Variants in MRLN observed in about 807,000 individuals in gnomAD.
MRLN encodes Linc-RNA activator of myogenesis.
chr10:59,746,215 C>A (rs2132592830), intron 1 of MRLN, among the ~76,000 whole-genome samples: 1 of 152,248 alleles, frequency 6.6e-6, no homozygotes, highest in South Asian at 2.1e-4. Flanking sequence ...CAATGTCTAA[C>A]AGTTAAGATA....
intron 1 of MRLN, among the ~76,000 whole-genome samples, chr10:59,745,942 C>T (rs1344203862): frequency 2.0e-5 from 3 of 152,058 alleles, no homozygotes; most frequent in African/African-American, 7.2e-5. Context: ...ACAAAAAAAT[C>T]CCTCTATTAT....
At chr10:59,745,346 A>G (rs1475895650) in intron 1 of MRLN, among the ~76,000 whole-genome samples, 1 of 152,184 alleles carries the variant, frequency 6.6e-6, no homozygotes, top group African/African-American at 2.4e-5. Flanking sequence ...TGTTTATCTC[A>G]GGACCTTGGT....
rs993325856 is a variant in MRLN at position 59,737,064 on chromosome 10, G to C, written c.137C>G (p.Ser46Cys). The change falls in exon 3 of 3, where the codon TCT becomes TGT. Residue 46 changes from serine (S) to cysteine (C), a missense_variant. Ser to Cys is a moderately radical substitution (Grantham distance 112, BLOSUM62 -1). Coordinates refer to ENST00000414264, the MANE Select transcript of MRLN (RefSeq NM_001304731.2). ...LISIIYVVITS is the reference protein window; with the variant it reads ...LISIIYVVITC ...CATGGAAAGGAAGTCAGCTTTCTAA[G>C]AAGTTATCACAACATATATAATAGA... 1.8e-5 allele frequency: 7 copies of C among 396,124 alleles called. No individual in the cohort carries two copies. The highest frequency in any genetic ancestry group is 4.5e-6 in the Non-Finnish European group (1 of 224,302). 24.5% of individuals were successfully genotyped at this position (396,124 alleles called of 1,614,324 possible). A position where few individuals can be genotyped will look rare whatever the true frequency, so the allele number is the denominator to read the frequency against.
intron 2 of MRLN, among the ~76,000 whole-genome samples, chr10:59,737,648 CA>C (rs60567923): frequency 0.11 from 5,471 of 50,304 alleles, 201 homozygotes; most frequent in African/African-American, 0.23. Flanking sequence ...AGGTACTGAT[CA>C]AAAAAAAAAA....
intron 1 of MRLN, among the ~76,000 whole-genome samples, chr10:59,747,815 A>G (rs1841057799): frequency 6.6e-6 from 1 of 152,224 alleles, no homozygotes; most frequent in Non-Finnish European, 1.5e-5. Context: ...TTAGTTCTCA[A>G]AAAATACTGA....
chr10:59,746,231 G>A (rs1230385192), intron 1 of MRLN, among the ~76,000 whole-genome samples: 5 of 152,076 alleles, frequency 3.3e-5, no homozygotes, highest in African/African-American at 1.2e-4. Flanking sequence ...AGATAATATT[G>A]ATAGAAGTTC....
intron 2 of MRLN, 78 bp downstream of exon 2, chr10:59,738,381 G>A (rs1256880755): frequency 6.6e-6 from 1 of 152,212 alleles, no homozygotes; most frequent in Non-Finnish European, 1.5e-5. Flanking sequence ...TAGAGTAAGA[G>A]AGAGACTGAA....
intron 1 of MRLN, among the ~76,000 whole-genome samples, chr10:59,749,645 G>A (rs920637515): frequency 1.2e-4 from 18 of 151,862 alleles, no homozygotes; most frequent in African/African-American, 4.3e-4. Flanking sequence ...AGTGAACCGA[G>A]ATCGTGCCAC....
chr10:59,740,860 C>T (rs943875644), intron 1 of MRLN, among the ~76,000 whole-genome samples: 6 of 151,058 alleles, frequency 4.0e-5, no homozygotes, highest in African/African-American at 1.5e-4. Flanking sequence ...TGCAATGGCG[C>T]GATCTCAGCA....
chr10:59,740,776 T>TTTTCTTTCTTTCTTTCTTTCTTTC (rs145234174), intron 1 of MRLN, among the ~76,000 whole-genome samples: 8 of 141,656 alleles, frequency 5.6e-5, no homozygotes, highest in African/African-American at 2.1e-4. Flanking sequence ...TTTTTCTTTG[T>TTTTCTTTCTTTCTTTCTTTCTTTC]TTTCTTTCTT....
At chr10:59,752,197 G>A (rs1473960484) in intron 1 of MRLN, among the ~76,000 whole-genome samples, 1 of 152,146 alleles carries the variant, frequency 6.6e-6, no homozygotes, top group Non-Finnish European at 1.5e-5. Flanking sequence ...AAAAGTAGTA[G>A]AAGTCAGATA....
chr10:59,749,435 C>T (rs1001700532), intron 1 of MRLN, among the ~76,000 whole-genome samples: 4 of 151,974 alleles, frequency 2.6e-5, no homozygotes, highest in African/African-American at 9.7e-5. Context: ...GGCTCACACC[C>T]GTAATCCCAG....
chr10:59,742,196 T>A (rs1157762549), intron 1 of MRLN, among the ~76,000 whole-genome samples: 1 of 152,126 alleles, frequency 6.6e-6, no homozygotes, highest in Non-Finnish European at 1.5e-5. Flanking sequence ...AGTACACGGA[T>A]AAATTGTGGC....
At chr10:59,741,555 T>G (rs1038589951) in intron 1 of MRLN, among the ~76,000 whole-genome samples, 1 of 152,074 alleles carries the variant, frequency 6.6e-6, no homozygotes, top group Non-Finnish European at 1.5e-5. Context: ...GCTAATTTTT[T>G]GTATTTTTTG....
At chr10:59,750,442 A>G (rs1841090701) in intron 1 of MRLN, among the ~76,000 whole-genome samples, 1 of 152,190 alleles carries the variant, frequency 6.6e-6, no homozygotes, top group African/African-American at 2.4e-5. Context: ...CATGCCTCAA[A>G]TGTTTGAAGT....
chr10:59,743,492 G>A (rs1395980313), intron 1 of MRLN, among the ~76,000 whole-genome samples: 3 of 152,008 alleles, frequency 2.0e-5, no homozygotes, highest in Admixed American at 6.5e-5. Context: ...CAGGAACCAG[G>A]GGTTCCTGTT....
chr10:59,750,587 C>T (rs888961449), intron 1 of MRLN, among the ~76,000 whole-genome samples: 1 of 152,188 alleles, frequency 6.6e-6, no homozygotes, highest in Non-Finnish European at 1.5e-5. Flanking sequence ...CATACATTGC[C>T]CCTGAGATGA....
chr10:59,746,542 T>G (rs1841045721), intron 1 of MRLN, among the ~76,000 whole-genome samples: 1 of 152,222 alleles, frequency 6.6e-6, no homozygotes, highest in Admixed American at 6.5e-5. Flanking sequence ...TGGACTATAC[T>G]GGCATGGAAA....
At chr10:59,750,249 T>G (rs892812333) in intron 1 of MRLN, among the ~76,000 whole-genome samples, 1 of 151,960 alleles carries the variant, frequency 6.6e-6, no homozygotes, top group Non-Finnish European at 1.5e-5. Flanking sequence ...TTTTGTATTT[T>G]TAGTAGAGAC....
Sources: allele counts gnomAD v4.1 joint callset (sites outside exome capture counted in the v4.1 genomes callset), GRCh38; gene constraint gnomAD v4.1.1; transcripts MANE v1.5; gene names NCBI Gene and HGNC (gene_info 2026-07-23, HGNC 2026-07-21).